The following PKD2L1 variants were observed in gnomAD, a reference collection of about 807,000 sequenced individuals.
PKD2L1 encodes polycystin-2-like protein 1.
In PKD2L1, 77 loss-of-function variants were observed where a neutral mutation model predicts 93.0. The ratio of observed to expected loss-of-function variants is 0.83; its 90% CI spans 0.69 to 1.00. The LOEUF (loss-of-function observed/expected upper bound fraction) is 1.00. PKD2L1 is among the 50% of genes least tolerant of loss of function. The probability of loss-of-function intolerance (pLI) is 0.00; values close to 1 mark genes in which losing one functional copy is unlikely to be tolerated. For missense variants in PKD2L1, 977 were observed against 990.9 expected, an observed-to-expected ratio of 0.99 and a Z score of 0.19; for synonymous variants, 390 against 388.0, an observed-to-expected ratio of 1.01 and a Z score of -0.06.
In PKD2L1 at chr10:100,297,131, A is replaced by T. The variant is rs146126331; in HGVS notation, c.1034T>A (p.Val345Asp). The change falls in exon 6 of 16, where the codon GTC (valine) becomes GAC (aspartate). Residue 345 changes from valine to aspartate, a missense_variant. Transcript: ENST00000318222. Reference sequence around the variant, plus strand: ...AACGATAAAGAAGTCCCAGTTGCTGACATAGCGGATCAGCTTGACTGTGCG... The same window carrying T: ...AACGATAAAGAAGTCCCAGTTGCTGTCATAGCGGATCAGCTTGACTGTGCG... ...QIRTVKLIRY[V>D]SNWDFFIVGC... 326 of 1,614,208 alleles carry T rather than the reference A, an allele frequency of 2.0e-4. No individual in the cohort carries two copies. In the African/African-American group the frequency reaches 4.0e-3, roughly 20 times the overall value.
At chr10:100,319,645 C>G (rs532458164) in intron 2 of PKD2L1, among the ~76,000 whole-genome samples, 10 of 152,324 alleles carry the variant, frequency 6.6e-5, no homozygotes, top group African/African-American at 2.2e-4. Context: ...TTGAAATCCA[C>G]TAAAAGAAAG....
chr10:100,323,263 C>T (rs1042067138), intron 2 of PKD2L1, among the ~76,000 whole-genome samples: 7 of 152,036 alleles, frequency 4.6e-5, no homozygotes, highest in Non-Finnish European at 8.8e-5. Context: ...CAAATAATCA[C>T]GGCTTTTATT....
chr10:100,309,578 G>A (rs10786585), intron 2 of PKD2L1, among the ~76,000 whole-genome samples: 86,694 of 151,790 alleles, frequency 0.57, 25,084 homozygotes, highest in Admixed American at 0.68. Flanking sequence ...GTTGGCAGAA[G>A]CTAAATCCAA....
chr10:100,321,379 G>A (rs1428000581), intron 2 of PKD2L1, among the ~76,000 whole-genome samples: 1 of 151,822 alleles, frequency 6.6e-6, no homozygotes, highest in East Asian at 2.0e-4. Flanking sequence ...AGAATTGCTT[G>A]AATCCAGGAG....
Position 100,299,734 on chromosome 10 carries a change from A to T in PKD2L1, c.350-16T>A. On this transcript the variant is annotated splice_polypyrimidine_tract_variant and intron_variant, in intron 2 of 15. Coordinates refer to ENST00000318222, the MANE Select transcript of PKD2L1 (RefSeq NM_016112.3). ...CCATAGGTCACTAGAAAACAACCCAAGAGGCTATGTCCTTCTCACTGTTCC... is the reference window on the plus strand; with the variant it reads ...CCATAGGTCACTAGAAAACAACCCATGAGGCTATGTCCTTCTCACTGTTCC... 1 of 1,612,664 alleles carries T rather than the reference A, an allele frequency of 6.2e-7. No individual in the cohort carries two copies. The highest frequency in any genetic ancestry group is 1.1e-5 in the South Asian group (1 of 91,042).
Position 100,317,370 on chromosome 10 carries a change from T to A in PKD2L1, c.349+11841A>T, listed in dbSNP as rs79964855. Among the ~76,000 whole-genome samples, 640 of 151,850 alleles carry A rather than the reference T, an allele frequency of 4.2e-3. 13 individuals carry two copies. The East Asian group carries it at 0.058, about 14-fold the overall frequency. On this transcript the variant is annotated intron_variant, in intron 2 of 15. Transcript: ENST00000318222. ...GCCTGGGCAACATAACGAGACCCTG[T>A]CTTTACAAAAAAACAAAAATTAAGC...
chr10:100,290,950 C>G (rs898781378), intron 12 of PKD2L1, among the ~76,000 whole-genome samples: 2 of 152,154 alleles, frequency 1.3e-5, no homozygotes, highest in African/African-American at 4.8e-5. Flanking sequence ...AGGGAATTAT[C>G]AGTGATTCTT....
At chr10:100,294,430 C>T in intron 9 of PKD2L1, 105 bp downstream of exon 9, 1 of 1,234,084 alleles carries the variant, frequency 8.1e-7, no homozygotes, top group East Asian at 2.3e-5. Flanking sequence ...ACTCACTCTC[C>T]ATCCTTGATT....
chr10:100,298,938 GTTATTATTA>G (rs59370050), intron 3 of PKD2L1, 123 bp from the exon 4 acceptor site: 7 of 655,568 alleles, frequency 1.1e-5, no homozygotes, highest in East Asian at 6.4e-5. Context: ...AAAAATTATT[GTTATTATTA>G]TTATTATTAT....
chr10:100,296,455 A>G (rs756355544), intron 6 of PKD2L1, among the ~76,000 whole-genome samples, 163 bp from the exon 7 acceptor site: 10 of 152,168 alleles, frequency 6.6e-5, no homozygotes, highest in Non-Finnish European at 1.2e-4. Context: ...ACTTGGTAGG[A>G]TGACTGGGGA....
chr10:100,329,233 C>T lies in PKD2L1; in HGVS notation c.327G>A (p.Val109=), dbSNP rs1169055365. ...TTLRELLVYI[V]FLVDICLLTY... ...CACGTAGACAGATGTCCACCAGGAA[C>T]ACAATATATACCAACAGCTCCCTCA... Residue 109 remains valine (V), a synonymous_variant, in exon 2 of 16, where the codon GTG becomes GTA. Coordinates refer to ENST00000318222, the MANE Select transcript of PKD2L1 (RefSeq NM_016112.3). 6.2e-7 allele frequency: 1 copy of T among 1,614,138 alleles called. No homozygotes were observed. Among genetic ancestry groups the T allele is most frequent in the Non-Finnish European group, 8.5e-7 (1 of 1,179,964 alleles).
intron 2 of PKD2L1, among the ~76,000 whole-genome samples, chr10:100,327,284 C>T (rs1273000911): frequency 6.6e-6 from 1 of 152,208 alleles, no homozygotes. Context: ...GAAAGGATTC[C>T]ACGTATTCTG....
At chr10:100,308,119 T>A (rs1848847473) in intron 2 of PKD2L1, among the ~76,000 whole-genome samples, 1 of 152,188 alleles carries the variant, frequency 6.6e-6, no homozygotes, top group African/African-American at 2.4e-5. Flanking sequence ...TTTTTTTTTC[T>A]TGGACAGAAA....
intron 2 of PKD2L1, among the ~76,000 whole-genome samples, chr10:100,319,905 C>T (rs1490458721): frequency 6.6e-6 from 1 of 152,212 alleles, no homozygotes; most frequent in African/African-American, 2.4e-5. Context: ...ACACAAAGAC[C>T]TTCAATGTTT....
chr10:100,314,233 T>A (rs904025759), intron 2 of PKD2L1, among the ~76,000 whole-genome samples: 3 of 152,044 alleles, frequency 2.0e-5, no homozygotes, highest in African/African-American at 7.2e-5. Context: ...GTGGAAAATA[T>A]GATTCCCTGG....
At chr10:100,319,508 G>A (rs572841865) in intron 2 of PKD2L1, among the ~76,000 whole-genome samples, 6 of 152,300 alleles carry the variant, frequency 3.9e-5, no homozygotes, top group East Asian at 1.9e-4. Flanking sequence ...AGCCACAGAC[G>A]CTTTCTGAAC....
chr10:100,330,045 C>T lies in PKD2L1; in HGVS notation c.59G>A (p.Trp20Ter), dbSNP rs1354528773. 2 of 1,611,058 alleles carry T rather than the reference C, an allele frequency of 1.2e-6. No individual in the cohort carries two copies. Among genetic ancestry groups the T allele is most frequent in the Middle Eastern group, 1.7e-4 (1 of 6,046 alleles). ...GGGACCACTGTAGGCGGGGTTGTCC[C>T]AGGCTCCACTCCCCAGCTTTTGCAG... The part of the protein sequence containing the change: ...QELQKLGSGA[W>*]DNPAYSGPPS... Residue 20 changes from tryptophan to a stop codon, truncating the protein, a stop_gained, in exon 1 of 16, where the codon TGG (tryptophan) becomes TAG (stop). Transcript: ENST00000318222. LOFTEE classifies it high-confidence loss of function.
At chr10:100,294,131 C>T (rs1234598608) in intron 9 of PKD2L1, among the ~76,000 whole-genome samples, 1 of 151,878 alleles carries the variant, frequency 6.6e-6, no homozygotes, top group Non-Finnish European at 1.5e-5. Flanking sequence ...AAATAATAAC[C>T]CAGATTTTTC....
chr10:100,301,911 C>T (rs954272156), intron 2 of PKD2L1, among the ~76,000 whole-genome samples: 5 of 152,180 alleles, frequency 3.3e-5, no homozygotes, highest in Admixed American at 6.5e-5. Context: ...CCTGACTTCC[C>T]GCAACACTCC....
Sources: gnomAD v4.1 joint callset for allele counts (sites outside exome capture counted in the v4.1 genomes callset) on GRCh38, gnomAD v4.1.1 for gene constraint, MANE v1.5 for transcripts, NCBI Gene and HGNC (gene_info 2026-07-23, HGNC 2026-07-21) for gene names.